The following DEGS1 variants were observed in gnomAD, a reference collection of about 807,000 sequenced individuals.
DEGS1 encodes the protein sphingolipid delta(4)-desaturase DES1.
Under a neutral mutation model 24.1 loss-of-function variants are expected in DEGS1, and 17 were observed. The ratio of observed to expected loss-of-function variants is 0.70; its 90% CI spans 0.48 to 1.06. The LOEUF is 1.06. Ranked by LOEUF, DEGS1 falls within the 50% of genes least tolerant of loss-of-function variation. DEGS1 has a pLI of 0.00. For synonymous variants in DEGS1, 134 were observed against 140.0 expected, an observed-to-expected ratio of 0.96 and a Z score of 0.30; for missense variants, 366 against 408.9, an observed-to-expected ratio of 0.90 and a Z score of 0.91.
At chr1:224,189,470 T>A in intron 1 of DEGS1, 107 bp from the exon 2 acceptor site, 1 of 845,968 alleles carries the variant, frequency 1.2e-6, no homozygotes, top group East Asian at 2.6e-5. Flanking sequence ...GGAATATGAT[T>A]TACAGAACAA....
chr1:224,192,192 T>TG, intron 2 of DEGS1, 140 bp from the exon 3 acceptor site: 1 of 155,136 alleles, frequency 6.4e-6, no homozygotes, highest in Non-Finnish European at 1.3e-5. Context: ...CTGCTGCTGC[T>TG]TTTTTTTTTT....
In DEGS1 at chr1:224,190,343, T is replaced by C. The variant is rs1156533389; in HGVS notation, c.825+24T>C. The stretch of plus-strand genomic sequence containing the variant: ...TGGTAAGTAAAGGATTTGATACATA[T>C]TCTAATTTTGTTTTTTCATTTGTTT... On this transcript the variant is annotated intron_variant, in intron 2 of 2. Transcript: ENST00000323699. 1.7e-5 allele frequency: 24 copies of C among 1,447,880 alleles called. No individual in the cohort carries two copies. The Admixed American group carries it at 5.9e-4, about 35-fold the overall frequency. The allele number at this position is 1,447,880 out of a possible 1,614,324, so 89.7% of individuals were successfully genotyped here.
chr1:224,183,286 G>C lies in DEGS1; in HGVS notation c.-51G>C. ...CCGCCGCCGCCGCCACCTCTGAGCAGCCGGCTGGGAGCGAGAGCCGACAGC... is the reference window on the plus strand; with the variant it reads ...CCGCCGCCGCCGCCACCTCTGAGCACCCGGCTGGGAGCGAGAGCCGACAGC... On this transcript the variant is annotated 5_prime_UTR_variant, in exon 1 of 3. Coordinates refer to ENST00000323699, the MANE Select transcript of DEGS1 (RefSeq NM_003676.4). 6.9e-7 allele frequency: 1 copy of C among 1,451,356 alleles called. No homozygotes were observed. Among genetic ancestry groups the C allele is most frequent in the Non-Finnish European group, 9.1e-7 (1 of 1,094,714 alleles). 89.9% of individuals were successfully genotyped at this position (1,451,356 alleles called of 1,614,324 possible).
At position 224,189,891 on chromosome 1, in the gene DEGS1, C is replaced by G; in HGVS notation, c.397C>G (p.Arg133Gly). Residue 133 changes from arginine (R) to glycine (G), a missense_variant, in exon 2 of 3, where the codon CGG (arginine) becomes GGG (glycine). Coordinates refer to ENST00000323699, the MANE Select transcript of DEGS1 (RefSeq NM_003676.4). ...SFKRYHMDHH[R>G]YLGADGVDVD... The stretch of plus-strand genomic sequence containing the variant: ...TAAGAGGTATCACATGGATCATCAT[C>G]GGTACCTTGGAGCTGATGGCGTCGA... The G allele has an allele frequency of 6.2e-7, 1 of 1,614,176 alleles. No homozygotes were observed. Among genetic ancestry groups the G allele is most frequent in the South Asian group, 1.1e-5 (1 of 91,082 alleles).
intron 2 of DEGS1, chr1:224,191,282 C>T (rs1658528906): frequency 6.6e-6 from 1 of 151,502 alleles, no homozygotes; most frequent in South Asian, 2.1e-4. Context: ...CCCAGCTACT[C>T]GGGAGGCTGA....
intron 1 of DEGS1, among the ~76,000 whole-genome samples, chr1:224,188,811 CAG>C (rs1375403518): frequency 6.6e-6 from 1 of 152,298 alleles, no homozygotes; most frequent in Middle Eastern, 3.4e-3. Flanking sequence ...TCATGTGCAA[CAG>C]AAAGTTTTTG....
rs935403400 is a variant in DEGS1 at position 224,193,319 on chromosome 1, C to A, written c.*841C>A. 1 of 152,086 alleles carries A rather than the reference C, an allele frequency of 6.6e-6. No homozygotes were observed. The highest frequency in any genetic ancestry group is 1.5e-5 in the Non-Finnish European group (1 of 68,022). 9.4% of individuals were successfully genotyped at this position (152,086 alleles called of 1,614,324 possible). On this transcript the variant is annotated 3_prime_UTR_variant, in exon 3 of 3. Transcript: ENST00000323699. ...AAAAGATTGAGATGAAAATATATTT[C>A]CCTGTAAGCTGAATTACTCATTTAA...
At chr1:224,185,971 CAAG>C (rs1253094650) in intron 1 of DEGS1, among the ~76,000 whole-genome samples, 1 of 151,864 alleles carries the variant, frequency 6.6e-6, no homozygotes, top group Non-Finnish European at 1.5e-5. Flanking sequence ...GAAGCTGAGG[CAAG>C]AAGATCGCTT....
At chr1:224,190,873 C>A (rs1254684313) in intron 2 of DEGS1, among the ~76,000 whole-genome samples, 1 of 151,938 alleles carries the variant, frequency 6.6e-6, no homozygotes, top group East Asian at 1.9e-4. Flanking sequence ...TAGGCACGTG[C>A]CACCATGCCT....
At chr1:224,188,594 C>CT (rs1323021035) in intron 1 of DEGS1, among the ~76,000 whole-genome samples, 1 of 152,174 alleles carries the variant, frequency 6.6e-6, no homozygotes, top group Non-Finnish European at 1.5e-5. Flanking sequence ...TTCCTAATGA[C>CT]TAACGGTGTT....
intron 1 of DEGS1, among the ~76,000 whole-genome samples, chr1:224,187,955 A>T (rs1053247247): frequency 1.0e-3 from 155 of 148,408 alleles, no homozygotes; most frequent in Non-Finnish European, 1.7e-3. Flanking sequence ...CATAATATAA[A>T]TTTTTTTTTT....
At chr1:224,185,532 C>T (rs568705031) in intron 1 of DEGS1, among the ~76,000 whole-genome samples, 1 of 152,330 alleles carries the variant, frequency 6.6e-6, no homozygotes, top group East Asian at 1.9e-4. Context: ...CGGAGCCGCA[C>T]TCTGTCACCC....
Position 224,183,288 on chromosome 1 carries a change from C to G in DEGS1, c.-49C>G. The G allele has an allele frequency of 6.9e-7, 1 of 1,451,862 alleles. No homozygotes were observed. The highest frequency in any genetic ancestry group is 9.1e-7 in the Non-Finnish European group (1 of 1,095,124). 89.9% of individuals were successfully genotyped at this position (1,451,862 alleles called of 1,614,324 possible). A position where few individuals can be genotyped will look rare whatever the true frequency, so the allele number is the denominator to read the frequency against. On this transcript the variant is annotated 5_prime_UTR_variant, in exon 1 of 3. Transcript: ENST00000323699. ...GCCGCCGCCGCCACCTCTGAGCAGC[C>G]GGCTGGGAGCGAGAGCCGACAGCTA... is the stretch of plus-strand genomic sequence containing the variant.
chr1:224,184,286 C>T (rs1172574597), intron 1 of DEGS1, among the ~76,000 whole-genome samples: 1 of 152,210 alleles, frequency 6.6e-6, no homozygotes, highest in African/African-American at 2.4e-5. Context: ...TCCCAGGCTA[C>T]TCCTAATATG....
chr1:224,188,298 AAAT>A (rs1381795369), intron 1 of DEGS1, among the ~76,000 whole-genome samples: 2 of 152,252 alleles, frequency 1.3e-5, no homozygotes, highest in Admixed American at 1.3e-4. Flanking sequence ...ATTTTCAATA[AAAT>A]AATATTTCAA....
At chr1:224,186,978 C>G (rs1658411572) in intron 1 of DEGS1, among the ~76,000 whole-genome samples, 1 of 152,046 alleles carries the variant, frequency 6.6e-6, no homozygotes. Context: ...ATTTAGAGTT[C>G]ACATTAAAAG....
intron 1 of DEGS1, 111 bp downstream of exon 1, chr1:224,183,529 C>A: frequency 1.2e-6 from 1 of 811,252 alleles, no homozygotes; most frequent in Non-Finnish European, 1.6e-6. Context: ...CCGTTAGCAG[C>A]CTGCTCCCCG....
chr1:224,183,713 G>A (rs1193850689), intron 1 of DEGS1: 24 of 270,446 alleles, frequency 8.9e-5, no homozygotes, highest in Non-Finnish European at 6.9e-6. Flanking sequence ...CGGCCGGTTG[G>A]GGCGAAGGGT....
At chr1:224,191,141 A>T (rs941950571) in intron 2 of DEGS1, 1 of 152,158 alleles carries the variant, frequency 6.6e-6, no homozygotes, top group African/African-American at 2.4e-5. Context: ...TAATCCCAGC[A>T]CTTTGGGAGG....
Sources: allele counts gnomAD v4.1 joint callset (sites outside exome capture counted in the v4.1 genomes callset), GRCh38; gene constraint gnomAD v4.1.1; transcripts MANE v1.5; gene names NCBI Gene and HGNC (gene_info 2026-07-23, HGNC 2026-07-21).